Variants in RAB38 observed in about 807,000 individuals in gnomAD.
RAB38 encodes the protein ras-related protein Rab-38.
A neutral mutation model predicts 18.4 loss-of-function variants in RAB38; 15 were observed. The ratio of observed to expected loss-of-function variants is 0.82; its 90% CI spans 0.55 to 1.26. RAB38 has a LOEUF of 1.26. Among genes scored for constraint, RAB38 ranks in the 50% most tolerant of loss-of-function variants. The pLI, the probability that RAB38 is intolerant of heterozygous loss-of-function variation, is 0.00. For missense variants in RAB38, 294 were observed against 267.4 expected (o/e 1.10, Z -0.69); for synonymous variants, 101 against 104.4 (o/e 0.97, Z 0.20).
intron 1 of RAB38, among the ~76,000 whole-genome samples, chr11:88,150,357 CTA>C (rs1252305835): frequency 6.6e-6 from 1 of 152,174 alleles, no homozygotes; most frequent in African/African-American, 2.4e-5. Flanking sequence ...CTGTATTAGA[CTA>C]TGCCAATAAT....
intron 2 of RAB38, among the ~76,000 whole-genome samples, chr11:88,115,209 T>A (rs1176586624): frequency 2.0e-5 from 3 of 152,102 alleles, no homozygotes; most frequent in Non-Finnish European, 2.9e-5. Context: ...TGATTGTTTT[T>A]AATCACAATT....
chr11:88,175,401 A>G lies in RAB38; in HGVS notation c.-17T>C. 1 of 1,613,322 alleles carries G rather than the reference A, an allele frequency of 6.2e-7. No individual in the cohort carries two copies. The highest frequency in any genetic ancestry group is 8.5e-7 in the Non-Finnish European group (1 of 1,179,638). ...GGCCTGCATCCTGGCGGCCGGCCAG[A>G]CGTGCCGTGCCTGACCAGGGAAGCG... is the stretch of plus-strand genomic sequence containing the variant. On this transcript the variant is annotated 5_prime_UTR_variant, in exon 1 of 3. Transcript: ENST00000243662.
chr11:88,007,023 G>T, the RAB38 span, among the ~76,000 whole-genome samples: 1 of 151,708 alleles, frequency 6.6e-6, no homozygotes, highest in African/African-American at 2.4e-5. Flanking sequence ...TTCTCACAAA[G>T]AAATAATGTT....
At chr11:88,133,131 A>T (rs559509227) in intron 2 of RAB38, among the ~76,000 whole-genome samples, 10 of 152,256 alleles carry the variant, frequency 6.6e-5, no homozygotes, top group African/African-American at 2.2e-4. Context: ...ACTCCATTTA[A>T]ACTGGCATAC....
At chr11:87,844,428 T>G in the RAB38 span, among the ~76,000 whole-genome samples, 1,070 of 152,282 alleles carry the variant, frequency 7.0e-3, 13 homozygotes, top group African/African-American at 0.024. Context: ...ACAAGAACTT[T>G]ATGACAGAGG....
chr11:88,033,466 A>G, the RAB38 span, among the ~76,000 whole-genome samples: 8 of 152,134 alleles, frequency 5.3e-5, no homozygotes, highest in Non-Finnish European at 8.8e-5. Context: ...ATAAAACCCA[A>G]ATTTTCATGA....
the RAB38 span, among the ~76,000 whole-genome samples, chr11:87,945,361 G>A: frequency 6.6e-6 from 1 of 152,076 alleles, no homozygotes; most frequent in Non-Finnish European, 1.5e-5. Flanking sequence ...AATAAATAAA[G>A]GGTTTAGTCT....
At chr11:87,931,351 G>C in the RAB38 span, among the ~76,000 whole-genome samples, 1 of 152,064 alleles carries the variant, frequency 6.6e-6, no homozygotes, top group Admixed American at 6.6e-5. Flanking sequence ...CATACCTACT[G>C]TCATCCTTAT....
the RAB38 span, among the ~76,000 whole-genome samples, chr11:87,838,079 C>T: frequency 6.6e-6 from 1 of 152,014 alleles, no homozygotes; most frequent in African/African-American, 2.4e-5. Context: ...CCCAATAATA[C>T]AGGAAGAAAG....
chr11:87,843,131 C>T, the RAB38 span, among the ~76,000 whole-genome samples: 11 of 152,268 alleles, frequency 7.2e-5, no homozygotes, highest in African/African-American at 2.6e-4. Flanking sequence ...GAGAGGTGGG[C>T]GCACAAACCA....
chr11:87,890,789 A>C, the RAB38 span, among the ~76,000 whole-genome samples: 2 of 151,876 alleles, frequency 1.3e-5, no homozygotes, highest in African/African-American at 4.8e-5. Context: ...TTCAAGAAAA[A>C]TTTGATTCAT....
downstream of RAB38, among the ~76,000 whole-genome samples, chr11:88,112,063 A>G (rs1565206775): frequency 6.6e-6 from 1 of 152,186 alleles, no homozygotes. Context: ...TTAAAAATTA[A>G]CTCATGAAAG....
the RAB38 span, among the ~76,000 whole-genome samples, chr11:88,026,990 T>C: frequency 1.3e-5 from 2 of 152,180 alleles, no homozygotes; most frequent in African/African-American, 4.8e-5. Context: ...TACAATTGAT[T>C]TTTGCGCAAT....
the RAB38 span, among the ~76,000 whole-genome samples, chr11:87,972,041 A>T: frequency 6.6e-6 from 1 of 151,996 alleles, no homozygotes; most frequent in Non-Finnish European, 1.5e-5. Flanking sequence ...TACACAGAAG[A>T]TGGAAACTTT....
chr11:87,924,962 C>A, the RAB38 span, among the ~76,000 whole-genome samples: 1 of 151,950 alleles, frequency 6.6e-6, no homozygotes, highest in Non-Finnish European at 1.5e-5. Flanking sequence ...CATTTCTTTT[C>A]TCCTTTTCCT....
At chr11:87,811,437 C>G in the RAB38 span, among the ~76,000 whole-genome samples, 1 of 152,182 alleles carries the variant, frequency 6.6e-6, no homozygotes, top group Non-Finnish European at 1.5e-5. Context: ...GTAACAAATT[C>G]ATGAATATAA....
chr11:87,814,908 T>C, the RAB38 span: 1 of 152,274 alleles, frequency 6.6e-6, no homozygotes, highest in Admixed American at 6.5e-5. Flanking sequence ...TAATTTTTTG[T>C]ATTTTTAGTA....
chr11:88,011,265 A>G, the RAB38 span, among the ~76,000 whole-genome samples: 1 of 152,244 alleles, frequency 6.6e-6, no homozygotes, highest in African/African-American at 2.4e-5. Context: ...CACTAATTAT[A>G]TGCAAGGCAC....
the RAB38 span, among the ~76,000 whole-genome samples, chr11:87,894,414 T>C: frequency 6.6e-5 from 10 of 151,812 alleles, no homozygotes; most frequent in South Asian, 1.4e-3. Flanking sequence ...AGGATAATCA[T>C]GTTAATAATA....
Sources: gnomAD v4.1 joint callset for allele counts (sites outside exome capture counted in the v4.1 genomes callset) on GRCh38, gnomAD v4.1.1 for gene constraint, MANE v1.5 for transcripts, NCBI Gene and HGNC (gene_info 2026-07-23, HGNC 2026-07-21) for gene names.